TYK2: variants seen among roughly 807,000 people sequenced by gnomAD.
TYK2 encodes tyrosine kinase 2.
In TYK2, 65 loss-of-function variants were observed where a neutral mutation model predicts 130.9. The observed-to-expected ratio is 0.50, with a 90% CI of 0.41 to 0.61. The LOEUF (loss-of-function observed/expected upper bound fraction) is 0.61. Ranked by LOEUF, TYK2 falls within the 20% of genes least tolerant of loss-of-function variation. The probability of loss-of-function intolerance (pLI) is 0.00; values close to 1 mark genes in which losing one functional copy is unlikely to be tolerated. For missense variants in TYK2, 1,378 were observed against 1,610.7 expected, an observed-to-expected ratio of 0.86 and a Z score of 2.47; for synonymous variants, 647 against 658.9, an observed-to-expected ratio of 0.98 and a Z score of 0.28.
chr19:10,370,971 C>T (rs1192765192), intron 3 of TYK2, among the ~76,000 whole-genome samples: 1 of 151,620 alleles, frequency 6.6e-6, no homozygotes, highest in Admixed American at 6.6e-5. Context: ...GACCCCTCAT[C>T]TCTAAAAAAA....
chr19:10,356,721 G>A lies in TYK2; in HGVS notation c.2467-3C>T. 6.2e-7 allele frequency: 1 copy of A among 1,602,602 alleles called. No homozygotes were observed. The highest frequency in any genetic ancestry group is 8.5e-7 in the Non-Finnish European group (1 of 1,174,988). ...TGCCTCTGGTAGAAATGCTCCTTCT[G>A]TTGGGAAAGGGACCCAGAGGAGTCA... On this transcript the variant is annotated splice_region_variant and splice_polypyrimidine_tract_variant and intron_variant, in intron 17 of 24. Transcript: ENST00000525621.
chr19:10,378,094 A>ATGGATGAGTGGG, intron 3 of TYK2, 120 bp downstream of exon 3: 7 of 915,966 alleles, frequency 7.6e-6, no homozygotes, highest in South Asian at 1.5e-5. Flanking sequence ...GGATGGATGG[A>ATGGATGAGTGGG]TGGATGAGTG....
rs1415920933 is a variant in TYK2, at chr19:10,365,669, C to T, written c.859G>A (p.Glu287Lys). The change falls in exon 7 of 25, where the codon GAG becomes AAG. Residue 287 changes from glutamate (E) to lysine (K), a missense_variant. Glu to Lys is a moderately conservative substitution (Grantham distance 56). Coordinates refer to ENST00000525621, the MANE Select transcript of TYK2 (RefSeq NM_003331.5). Reference protein sequence around the residue: ...VCHLRLLAQAEGEPCYIRDSG... With the variant: ...VCHLRLLAQAKGEPCYIRDSG... The stretch of plus-strand genomic sequence containing the variant: ...TCCCGGATGTAGCAGGGCTCCCCCT[C>T]GGCCTGGGCCAGCAGCCTCAGGTGG... 18 of 1,613,290 alleles carry T rather than the reference C, an allele frequency of 1.1e-5. No individual in the cohort carries two copies. The Middle Eastern group carries it at 4.9e-4, about 44-fold the overall frequency.
chr19:10,358,294 G>GTTTTTTTTTTTTTTT (rs770531180), intron 15 of TYK2, among the ~76,000 whole-genome samples, 156 bp from the exon 16 acceptor site: 22 of 91,360 alleles, frequency 2.4e-4, no homozygotes, highest in African/African-American at 3.5e-4. Flanking sequence ...TTTTTTTCTT[G>GTTTTTTTTTTTTTTT]TTTTTTTTTT....
chr19:10,352,733 T>C (rs1263996636), intron 22 of TYK2, among the ~76,000 whole-genome samples, 182 bp from the exon 23 acceptor site: 1 of 151,998 alleles, frequency 6.6e-6, no homozygotes, highest in Non-Finnish European at 1.5e-5. Flanking sequence ...CTAGGCCGGG[T>C]TAACCCCGCC....
At chr19:10,356,107 A>G (rs1555716952) in intron 18 of TYK2, among the ~76,000 whole-genome samples, 1 of 152,092 alleles carries the variant, frequency 6.6e-6, no homozygotes, top group South Asian at 2.1e-4. Flanking sequence ...GGCCAGGCGC[A>G]GTGGCTCACG....
chr19:10,354,309 C>G, intron 19 of TYK2, 75 bp from the exon 20 acceptor site: 1 of 1,553,852 alleles, frequency 6.4e-7, no homozygotes, highest in South Asian at 1.1e-5. Flanking sequence ...ATTTCCCGGG[C>G]CACTCCTCCA....
chr19:10,355,746 G>C (rs577274591), intron 18 of TYK2, among the ~76,000 whole-genome samples: 9 of 148,182 alleles, frequency 6.1e-5, no homozygotes, highest in Non-Finnish European at 1.3e-4. Flanking sequence ...GGTGGATCAC[G>C]AGGTCAAGAG....
In TYK2 at chr19:10,360,107, G is replaced by A. The variant is rs549874743; in HGVS notation, c.2048-805C>T. On this transcript the variant is annotated intron_variant, in intron 14 of 24. Transcript: ENST00000525621. ...TGAGGCAGGAGAATTGCTTGAACCC[G>A]GGAGGCGGAGGTTGCAGTGAGCCGA... Among the ~76,000 whole-genome samples the A allele has an allele frequency of 4.1e-4, 63 of 152,104 alleles. No individual in the cohort carries two copies. In the East Asian group the frequency reaches 6.6e-3, roughly 16 times the overall value.
chr19:10,358,123 C>T lies in TYK2; in HGVS notation c.2191G>A (p.Val731Ile). The T allele has an allele frequency of 6.2e-7, 1 of 1,609,810 alleles. No homozygotes were observed. The highest frequency in any genetic ancestry group is 8.5e-7 in the Non-Finnish European group (1 of 1,178,560). Reference sequence around the variant, plus strand: ...TTCCGGCCACACACATTACCATGAACCAGGTTCTTGTTCTCCTGAGGTGGG... The same window carrying T: ...TTCCGGCCACACACATTACCATGAATCAGGTTCTTGTTCTCCTGAGGTGGG... ...ALSYLENKNL[V>I]HGNVCGRNIL... Residue 731 changes from valine (V) to isoleucine (I), a missense_variant, in exon 16 of 25, where the codon GTT becomes ATT. Transcript: ENST00000525621.
At chr19:10,357,980 C>G (rs1034136110) in intron 16 of TYK2, 23 bp downstream of exon 16, 3 of 1,613,364 alleles carry the variant, frequency 1.9e-6, no homozygotes, top group Non-Finnish European at 2.5e-6. Context: ...CCCCACTGTG[C>G]CCAGGTCCCC....
intron 9 of TYK2, among the ~76,000 whole-genome samples, chr19:10,363,976 A>G (rs1249541252): frequency 6.6e-6 from 1 of 152,226 alleles, no homozygotes; most frequent in Non-Finnish European, 1.5e-5. Context: ...ACTTGGCAGC[A>G]CACAGGACAG....
chr19:10,377,850 ATGGG>A (rs1319784901), intron 3 of TYK2, among the ~76,000 whole-genome samples: 2 of 30,756 alleles, frequency 6.5e-5, no homozygotes, highest in African/African-American at 3.0e-4. Context: ...GGGTGGATGG[ATGGG>A]TGGGTGGGTG....
At chr19:10,368,572 T>G in intron 3 of TYK2, 154 bp from the exon 4 acceptor site, 1 of 1,059,984 alleles carries the variant, frequency 9.4e-7, no homozygotes, top group Non-Finnish European at 1.4e-6. Context: ...CAGAGGACAG[T>G]GCGTATGTTG....
At chr19:10,378,833 A>ATATCTTATCT (rs58371844) in intron 2 of TYK2, among the ~76,000 whole-genome samples, 3,549 of 148,890 alleles carry the variant, frequency 0.024, 64 homozygotes, top group Admixed American at 0.046. Flanking sequence ...GTTTTATTTT[A>ATATCTTATCT]TATCTTATCT....
rs1485811019 is a variant in TYK2, at chr19:10,364,107, C to T, written c.1367+507G>A. On this transcript the variant is annotated intron_variant, in intron 9 of 24. Coordinates refer to ENST00000525621, the MANE Select transcript of TYK2 (RefSeq NM_003331.5). This position sits in a 1 kb window ranked among gnomAD's most constrained non-coding sequence, Gnocchi z 4.9. Reference sequence around the variant, plus strand: ...CTCACAAGTTACCAGCACAGGCAGCCGCCTGCAGAGGTGGAAGCATCCAAC... The same window carrying T: ...CTCACAAGTTACCAGCACAGGCAGCTGCCTGCAGAGGTGGAAGCATCCAAC... Among the ~76,000 whole-genome samples, 1 of 152,198 alleles carries T rather than the reference C, an allele frequency of 6.6e-6. No homozygotes were observed. The highest frequency in any genetic ancestry group is 6.6e-5 in the Admixed American group (1 of 15,264).
At chr19:10,356,900 G>A (rs2041131306) in intron 17 of TYK2, 182 bp from the exon 18 acceptor site, 5 of 657,000 alleles carry the variant, frequency 7.6e-6, no homozygotes, top group South Asian at 7.0e-5. Context: ...GTAGAACCAG[G>A]ACTGGGACCC....
At chr19:10,375,911 C>T (rs1038259543) in intron 3 of TYK2, among the ~76,000 whole-genome samples, 6 of 150,620 alleles carry the variant, frequency 4.0e-5, no homozygotes, top group Non-Finnish European at 7.4e-5. Flanking sequence ...TGGGACAGAG[C>T]GAGACTCCAT....
chr19:10,362,106 T>C lies in TYK2; in HGVS notation c.1745A>G (p.His582Arg), dbSNP rs768214067. Residue 582 changes from histidine to arginine, a missense_variant, in exon 12 of 25, where the codon CAC becomes CGC. Transcript: ENST00000525621. Reference protein sequence around the residue: ...RTLNLSQLSFHRVDQKEITQL... With the variant: ...RTLNLSQLSFRRVDQKEITQL... Reference sequence around the variant, plus strand: ...GGTGATCTCCTTCTGGTCAACCCGGTGGAAGCTGAGCTGGCTGAGGTTGAG... The same window carrying C: ...GGTGATCTCCTTCTGGTCAACCCGGCGGAAGCTGAGCTGGCTGAGGTTGAG... 6.2e-7 allele frequency: 1 copy of C among 1,613,870 alleles called. No individual in the cohort carries two copies. The highest frequency in any genetic ancestry group is 1.3e-5 in the African/African-American group (1 of 74,874).
Sources: gnomAD v4.1 joint callset for allele counts (sites outside exome capture counted in the v4.1 genomes callset) on GRCh38, gnomAD v4.1.1 for gene constraint, Gnocchi (gnomAD v3.1) non-coding constraint, MANE v1.5 for transcripts, NCBI Gene and HGNC (gene_info 2026-07-23, HGNC 2026-07-21) for gene names.